Variants in CATSPERB observed in about 807,000 individuals in gnomAD.
The protein encoded by CATSPERB is cation channel sperm-associated auxiliary subunit beta.
In CATSPERB, 93 loss-of-function variants were observed where a neutral mutation model predicts 128.3. The ratio of observed to expected loss-of-function variants is 0.72; its 90% confidence interval spans 0.61 to 0.86. CATSPERB has a LOEUF of 0.86. CATSPERB is among the 40% of genes least tolerant of loss of function. The probability of loss-of-function intolerance (pLI) is 0.00; values close to 1 mark genes in which losing one functional copy is unlikely to be tolerated. For synonymous variants in CATSPERB, 381 were observed against 448.8 expected (o/e 0.85, Z 1.91); for missense variants, 1,153 against 1,329.5 (o/e 0.87, Z 2.06).
Position 91,724,524 on chromosome 14 carries a change from T to C in CATSPERB, c.168+556A>G, listed in dbSNP as rs1422960735. ...TTTTTCTTTGTTTTTATTATATATATTTATCATAGATTTTTAGACAATCTG... is the reference window on the plus strand; with the variant it reads ...TTTTTCTTTGTTTTTATTATATATACTTATCATAGATTTTTAGACAATCTG... On this transcript the variant is annotated intron_variant, in intron 3 of 26. Transcript: ENST00000256343. Among the ~76,000 whole-genome samples, 3 of 152,200 alleles carry C rather than the reference T, an allele frequency of 2.0e-5. No individual in the cohort carries two copies. The East Asian group carries it at 5.8e-4, about 29-fold the overall frequency.
At chr14:91,702,569 T>C (rs1895667880) in intron 7 of CATSPERB, among the ~76,000 whole-genome samples, 1 of 150,934 alleles carries the variant, frequency 6.6e-6, no homozygotes, top group Non-Finnish European at 1.5e-5. Context: ...TTTTGTTTTG[T>C]TTTTTTTCTC....
Position 91,728,049 on chromosome 14 carries a change from G to A in CATSPERB, c.79+1352C>T, listed in dbSNP as rs143149250. ...TTGTCTATCACCTCTGAAATGCATG[G>A]GCTTCTCTCTACTTCATTTTCTGCC... On this transcript the variant is annotated intron_variant, in intron 2 of 26. Coordinates refer to ENST00000256343, the MANE Select transcript of CATSPERB (RefSeq NM_024764.4). Among the ~76,000 whole-genome samples, 79 of 152,116 alleles carry A rather than the reference G, an allele frequency of 5.2e-4. 1 individual carries two copies. In the East Asian group the frequency reaches 0.013, roughly 26 times the overall value.
chr14:91,669,864 C>T lies in CATSPERB; in HGVS notation c.1237G>A (p.Gly413Arg). The T allele has an allele frequency of 6.2e-7, 1 of 1,613,600 alleles. No individual in the cohort carries two copies. The highest frequency in any genetic ancestry group is 1.6e-4 in the Middle Eastern group (1 of 6,062). ...TGGCTTCGGGGATGAAATACCATTC[C>T]AACGGGAGAAGAGAATGATGAAGGA... The part of the protein sequence containing the change: ...RFPSSFSSPV[G>R]MVFHPRSHFL... The change falls in exon 14 of 27, where the codon GGA becomes AGA. Residue 413 changes from glycine to arginine, a missense_variant. By Grantham distance (125) the Gly-to-Arg change is moderately radical. Transcript: ENST00000256343.
chr14:91,687,273 G>A (rs767894376), intron 10 of CATSPERB, among the ~76,000 whole-genome samples: 4 of 152,030 alleles, frequency 2.6e-5, no homozygotes, highest in Non-Finnish European at 4.4e-5. Flanking sequence ...TAATTTTTAG[G>A]TGTTGAAAAT....
intron 4 of CATSPERB, among the ~76,000 whole-genome samples, chr14:91,720,035 T>A (rs1408533249): frequency 6.6e-6 from 1 of 152,090 alleles, no homozygotes; most frequent in Non-Finnish European, 1.5e-5. Context: ...ACAGGTAAGA[T>A]CTTAGAGACG....
Position 91,609,756 on chromosome 14 carries a change from G to C in CATSPERB, c.2598+724C>G, listed in dbSNP as rs1445001789. ...AATTTATGTATTTATTTTTGAGACA[G>C]AGTCATGCTCTGTGCTCTGTTGCTC... is the stretch of plus-strand genomic sequence containing the variant. On this transcript the variant is annotated intron_variant, in intron 21 of 26. Transcript: ENST00000256343. Among the ~76,000 whole-genome samples the C allele has an allele frequency of 2.0e-5, 3 of 152,148 alleles. No individual in the cohort carries two copies. In the East Asian group the frequency reaches 5.8e-4, roughly 29 times the overall value.
At chr14:91,668,130 G>A (rs962436968) in intron 14 of CATSPERB, among the ~76,000 whole-genome samples, 17 of 152,094 alleles carry the variant, frequency 1.1e-4, no homozygotes, top group African/African-American at 3.9e-4. Flanking sequence ...AGCTATCATC[G>A]GCCAATTCCC....
intron 15 of CATSPERB, among the ~76,000 whole-genome samples, chr14:91,656,469 AAAGC>A (rs1437818732): frequency 6.6e-6 from 1 of 152,152 alleles, no homozygotes; most frequent in African/African-American, 2.4e-5. Context: ...GCAAAAAATA[AAAGC>A]AAGAAATTAA....
At chr14:91,693,589 C>G in intron 7 of CATSPERB, 110 bp from the exon 8 acceptor site, 1 of 708,122 alleles carries the variant, frequency 1.4e-6, no homozygotes. Context: ...CTATGACTCT[C>G]ACTTCCCAAA....
intron 22 of CATSPERB, among the ~76,000 whole-genome samples, chr14:91,602,298 C>T (rs1468187177): frequency 6.6e-6 from 1 of 152,026 alleles, no homozygotes; most frequent in African/African-American, 2.4e-5. Context: ...ATGCAGTAGT[C>T]TAGAACATAC....
At chr14:91,658,352 C>CA (rs1894820513) in intron 15 of CATSPERB, among the ~76,000 whole-genome samples, 1 of 151,650 alleles carries the variant, frequency 6.6e-6, no homozygotes, top group Admixed American at 6.6e-5. Flanking sequence ...AACTCACAGA[C>CA]ATAGAGAGTA....
At chr14:91,677,447 T>C (rs772770417) in intron 11 of CATSPERB, among the ~76,000 whole-genome samples, 44 of 152,014 alleles carry the variant, frequency 2.9e-4, no homozygotes, top group Non-Finnish European at 5.3e-4. Flanking sequence ...CCAAGAAACA[T>C]ATGAAAAAAG....
intron 11 of CATSPERB, among the ~76,000 whole-genome samples, chr14:91,678,183 T>C (rs566802785): frequency 2.0e-4 from 31 of 151,814 alleles, no homozygotes; most frequent in African/African-American, 7.0e-4. Flanking sequence ...CCATGGCACA[T>C]ATATACCTAT....
rs1895555566 is a variant in CATSPERB, at chr14:91,695,965, T to C, written c.617-2486A>G. 3.3e-5 allele frequency among the ~76,000 whole-genome samples: 5 copies of C among 152,278 alleles called. No individual in the cohort carries two copies. In the South Asian group the frequency reaches 1.0e-3, roughly 32 times the overall value. ...TCAGTTCTGACCAATTTAATACTAA[T>C]TGGGATGAGAAATACTGGAGAGAAA... On this transcript the variant is annotated intron_variant, in intron 7 of 26. Coordinates refer to ENST00000256343, the MANE Select transcript of CATSPERB (RefSeq NM_024764.4).
Position 91,621,607 on chromosome 14 carries a change from C to G in CATSPERB, c.2260+1G>C. On this transcript the variant is annotated splice_donor_variant, in intron 19 of 26. Coordinates refer to ENST00000256343, the MANE Select transcript of CATSPERB (RefSeq NM_024764.4). LOFTEE classifies it high-confidence loss of function. ...ATATTTTCCGATCAAAACAAACTTACCTTTTGCATTCCGTATGACCTTAGC... is the reference window on the plus strand; with the variant it reads ...ATATTTTCCGATCAAAACAAACTTAGCTTTTGCATTCCGTATGACCTTAGC... 6.4e-7 allele frequency: 1 copy of G among 1,559,300 alleles called. No individual in the cohort carries two copies. The highest frequency in any genetic ancestry group is 8.7e-7 in the Non-Finnish European group (1 of 1,153,448).
chr14:91,730,206 G>A (rs558022280), intron 1 of CATSPERB, among the ~76,000 whole-genome samples: 4 of 152,230 alleles, frequency 2.6e-5, no homozygotes, highest in Admixed American at 2.0e-4. Context: ...TCATTAGGGT[G>A]GGCCCTCATC....
At chr14:91,652,995 G>C (rs1326286449) in intron 15 of CATSPERB, among the ~76,000 whole-genome samples, 7 of 152,154 alleles carry the variant, frequency 4.6e-5, no homozygotes, top group Non-Finnish European at 1.0e-4. Flanking sequence ...TTTGTGGTCT[G>C]TCCTTATTCT....
rs573102498 is a variant in CATSPERB at position 91,583,312 on chromosome 14, G to A, written c.3133-2205C>T. Among the ~76,000 whole-genome samples the A allele has an allele frequency of 4.6e-3, 677 of 145,894 alleles. 9 individuals carry two copies. The highest frequency in any genetic ancestry group is 0.011 in the Admixed American group (158 of 14,270). On this transcript the variant is annotated intron_variant, in intron 26 of 26. Coordinates refer to ENST00000256343, the MANE Select transcript of CATSPERB (RefSeq NM_024764.4). Reference sequence around the variant, plus strand: ...CGGGTGCCTGTAGTCCCCGCTACTCGGGAGGCTGAGGCAGGAGAATGGCAT... The same window carrying A: ...CGGGTGCCTGTAGTCCCCGCTACTCAGGAGGCTGAGGCAGGAGAATGGCAT...
At chr14:91,673,790 G>A (rs531569855) in intron 12 of CATSPERB, among the ~76,000 whole-genome samples, 1 of 152,106 alleles carries the variant, frequency 6.6e-6, no homozygotes, top group Non-Finnish European at 1.5e-5. Context: ...TGCTGAGGCA[G>A]GAGAATTGCT....
Sources: gnomAD v4.1 joint callset for allele counts (sites outside exome capture counted in the v4.1 genomes callset) on GRCh38, gnomAD v4.1.1 for gene constraint, MANE v1.5 for transcripts, NCBI Gene and HGNC (gene_info 2026-07-23, HGNC 2026-07-21) for gene names.